The following SH3BGRL variants were observed in gnomAD, a reference collection of about 807,000 sequenced individuals.
The protein encoded by SH3BGRL is adapter SH3BGRL.
Under a neutral mutation model 9.8 loss-of-function variants are expected in SH3BGRL, and 7 were observed. The observed-to-expected ratio is 0.72, with a 90% CI of 0.41 to 1.35. SH3BGRL has a LOEUF of 1.35. Ranked by LOEUF, SH3BGRL falls within the 40% of genes most tolerant of loss-of-function variation. The pLI, the probability that SH3BGRL is intolerant of heterozygous loss-of-function variation, is 0.01. For synonymous variants in SH3BGRL, 36 were observed against 29.1 expected (o/e 1.24, Z -0.76); for missense variants, 73 against 84.4 (o/e 0.86, Z 0.53).
At chrX:81,253,028 A>G (rs1021951769) in intron 1 of SH3BGRL, among the ~76,000 whole-genome samples, 2 of 112,401 alleles carry the variant, frequency 1.8e-5, no homozygotes, top group Non-Finnish European at 3.8e-5. Context: ...CAACTTGAAT[A>G]CTATTAGATT....
At chrX:81,274,601 A>C (rs2075792211) in intron 1 of SH3BGRL, among the ~76,000 whole-genome samples, 1 of 110,346 alleles carries the variant, frequency 9.1e-6, no homozygotes, top group Admixed American at 9.7e-5. Context: ...CAGAAAAAAA[A>C]AAAGCAATAA....
At chrX:81,251,405 T>C (rs1175009358) in intron 1 of SH3BGRL, among the ~76,000 whole-genome samples, 1 of 110,838 alleles carries the variant, frequency 9.0e-6, no homozygotes, top group Non-Finnish European at 1.9e-5. Context: ...TTCCTAATTG[T>C]TTAACAAATT....
At position 81,280,153 on chromosome X, in the gene SH3BGRL, C is replaced by T. The variant is rs1012817869; in HGVS notation, c.312+1742C>T. Among the ~76,000 whole-genome samples, 4 of 110,585 alleles carry T rather than the reference C, an allele frequency of 3.6e-5. No individual in the cohort carries two copies. In the Admixed American group the frequency reaches 3.8e-4, roughly 11 times the overall value. Reference sequence around the variant, plus strand: ...TGACCTGGGAATCTCACCCCCACCCCTCACAGCAGCCACAGCAAGACCCAC... The same window carrying T: ...TGACCTGGGAATCTCACCCCCACCCTTCACAGCAGCCACAGCAAGACCCAC... On this transcript the variant is annotated intron_variant, in intron 3 of 3. Transcript: ENST00000373212.
intron 1 of SH3BGRL, among the ~76,000 whole-genome samples, chrX:81,260,462 C>G (rs747183157): frequency 9.0e-6 from 1 of 111,415 alleles, no homozygotes; most frequent in African/African-American, 3.3e-5. Flanking sequence ...GCACTTAATA[C>G]ATAATAATTA....
At chrX:81,241,394 TG>T (rs1343415381) in intron 1 of SH3BGRL, among the ~76,000 whole-genome samples, 1 of 112,078 alleles carries the variant, frequency 8.9e-6, no homozygotes, top group Admixed American at 9.3e-5. Flanking sequence ...GTCTGAAATC[TG>T]GGGGCCAGGC....
intron 1 of SH3BGRL, among the ~76,000 whole-genome samples, chrX:81,268,794 T>C (rs1490182534): frequency 9.0e-6 from 1 of 111,535 alleles, no homozygotes; most frequent in Non-Finnish European, 1.9e-5. Flanking sequence ...GTCTCATTGA[T>C]CTGTCTAATA....
At chrX:81,276,591 A>G (rs1465984495) in intron 1 of SH3BGRL, among the ~76,000 whole-genome samples, 3 of 111,319 alleles carry the variant, frequency 2.7e-5, no homozygotes, top group African/African-American at 9.8e-5. Flanking sequence ...TGGGAAGCAG[A>G]CGCATCATTT....
intron 1 of SH3BGRL, among the ~76,000 whole-genome samples, chrX:81,237,875 T>A (rs1205275901): frequency 9.5e-6 from 1 of 105,377 alleles, no homozygotes; most frequent in African/African-American, 3.5e-5. Context: ...GGGGAGGACT[T>A]TGTCTTGTAT....
intron 3 of SH3BGRL, among the ~76,000 whole-genome samples, chrX:81,284,680 A>G (rs925352350): frequency 1.5e-4 from 17 of 111,327 alleles, no homozygotes; most frequent in Non-Finnish European, 2.8e-4. Context: ...ATTTGAAAGT[A>G]TAAGGCAGGA....
At chrX:81,297,102 A>G in intron 3 of SH3BGRL, 93 bp from the exon 4 acceptor site, 1 of 683,135 alleles carries the variant, frequency 1.5e-6, no homozygotes, top group Non-Finnish European at 2.2e-6. Flanking sequence ...GTTTATTCTT[A>G]GTAGTTGGAA....
intron 1 of SH3BGRL, among the ~76,000 whole-genome samples, chrX:81,263,456 G>A (rs371197256): frequency 2.7e-5 from 3 of 111,925 alleles, no homozygotes; most frequent in African/African-American, 6.5e-5. Flanking sequence ...TGGCATGTAC[G>A]TTTGATAAGA....
chrX:81,214,211 A>G (rs2075574442), intron 1 of SH3BGRL, among the ~76,000 whole-genome samples: 1 of 111,691 alleles, frequency 9.0e-6, no homozygotes, highest in Non-Finnish European at 1.9e-5. Context: ...AGGTCATTGA[A>G]TTCAAAATAA....
intron 1 of SH3BGRL, among the ~76,000 whole-genome samples, chrX:81,270,850 G>A (rs941358416): frequency 8.9e-6 from 1 of 112,369 alleles, no homozygotes; most frequent in African/African-American, 3.2e-5. Context: ...AGTCTAGAGA[G>A]GCAGTAGGCC....
chrX:81,249,489 A>G lies in SH3BGRL; in HGVS notation c.46-27495A>G, dbSNP rs969426009. Among the ~76,000 whole-genome samples, 12 of 112,514 alleles carry G rather than the reference A, an allele frequency of 1.1e-4. No individual in the cohort carries two copies. In the South Asian group the frequency reaches 3.3e-3, roughly 31 times the overall value. On this transcript the variant is annotated intron_variant, in intron 1 of 3. Transcript: ENST00000373212. ...CTTGTCCCATTTTATTGCTTATAAC[A>G]TACACATTTTACTAGGGGACTCATG...
chrX:81,202,309 A>G, intron 1 of SH3BGRL, 64 bp downstream of exon 1: 1 of 1,082,737 alleles, frequency 9.2e-7, no homozygotes, highest in African/African-American at 1.9e-5. Context: ...CTGCCCCAGA[A>G]CCATTAAAAT....
intron 1 of SH3BGRL, among the ~76,000 whole-genome samples, chrX:81,230,200 T>G (rs1415840195): frequency 8.9e-6 from 1 of 112,408 alleles, no homozygotes; most frequent in Non-Finnish European, 1.9e-5. Flanking sequence ...AACAAGTATA[T>G]TTTGAGCATC....
intron 1 of SH3BGRL, among the ~76,000 whole-genome samples, chrX:81,261,552 A>C (rs1002483222): frequency 2.7e-5 from 3 of 111,082 alleles, no homozygotes; most frequent in African/African-American, 9.8e-5. Flanking sequence ...AGAGCTCTAA[A>C]TCTTGTAAAA....
At chrX:81,256,845 A>T (rs1375720076) in intron 1 of SH3BGRL, among the ~76,000 whole-genome samples, 1 of 111,934 alleles carries the variant, frequency 8.9e-6, no homozygotes, top group African/African-American at 3.2e-5. Flanking sequence ...CCCAAAGTCC[A>T]GTTCTTCATT....
At chrX:81,270,518 A>G (rs1489909446) in intron 1 of SH3BGRL, among the ~76,000 whole-genome samples, 1 of 111,413 alleles carries the variant, frequency 9.0e-6, no homozygotes, top group Non-Finnish European at 1.9e-5. Flanking sequence ...CCGGAGGTCC[A>G]CTCTAGACCC....
Sources: allele counts gnomAD v4.1 joint callset (sites outside exome capture counted in the v4.1 genomes callset), GRCh38; gene constraint gnomAD v4.1.1; transcripts MANE v1.5; gene names NCBI Gene and HGNC (gene_info 2026-07-23, HGNC 2026-07-21).